FSTL5: variants seen among roughly 807,000 people sequenced by gnomAD.
FSTL5 encodes the protein follistatin like 5.
FSTL5 carries 62 observed loss-of-function variants against 89.1 expected under a neutral mutation model. That is an observed-to-expected ratio of 0.70 (90% CI 0.57 to 0.86). The LOEUF is 0.86. Among genes scored for constraint, FSTL5 ranks in the 40% least tolerant of loss-of-function variants. The pLI is 0.00. For synonymous variants in FSTL5, 383 were observed against 346.2 expected, an observed-to-expected ratio of 1.11 and a Z score of -1.18; for missense variants, 1,057 against 1,001.6, an observed-to-expected ratio of 1.06 and a Z score of -0.75.
intron 4 of FSTL5, among the ~76,000 whole-genome samples, chr4:161,832,112 A>G (rs1730864146): frequency 6.6e-6 from 1 of 152,068 alleles, no homozygotes; most frequent in Admixed American, 6.6e-5. Flanking sequence ...AGCATGGTAA[A>G]TGTTATGATA....
intron 2 of FSTL5, among the ~76,000 whole-genome samples, chr4:162,038,952 G>T (rs1035889207): frequency 3.3e-5 from 5 of 151,504 alleles, no homozygotes; most frequent in African/African-American, 1.2e-4. Context: ...CTATTTTAAG[G>T]GAGAGCCATA....
intron 15 of FSTL5, among the ~76,000 whole-genome samples, chr4:161,425,788 A>G (rs1243483711): frequency 6.6e-6 from 1 of 152,172 alleles, no homozygotes; most frequent in Non-Finnish European, 1.5e-5. Flanking sequence ...ATTAAAGGAT[A>G]TGCCTGAAAT....
intron 3 of FSTL5, among the ~76,000 whole-genome samples, chr4:161,977,612 C>CAAAAAAAAAAAAAAAAAAAAAAAA (rs796909244): frequency 1.1e-5 from 1 of 95,136 alleles, no homozygotes; most frequent in African/African-American, 3.9e-5. Flanking sequence ...GACTCCGTGT[C>CAAAAAAAAAAAAAAAAAAAAAAAA]AAAAAAAAAA....
At chr4:162,094,986 T>C (rs1730694855) in intron 2 of FSTL5, among the ~76,000 whole-genome samples, 1 of 152,140 alleles carries the variant, frequency 6.6e-6, no homozygotes, top group South Asian at 2.1e-4. Context: ...TGGGTACTGA[T>C]GGCAATATTT....
intron 4 of FSTL5, among the ~76,000 whole-genome samples, chr4:161,904,120 A>C (rs191427007): frequency 6.6e-6 from 1 of 152,196 alleles, no homozygotes; most frequent in Non-Finnish European, 1.5e-5. Context: ...TTTAAAGAAT[A>C]GTTTTTCTCA....
intron 6 of FSTL5, among the ~76,000 whole-genome samples, chr4:161,749,928 G>A (rs554354769): frequency 3.7e-4 from 56 of 152,062 alleles, no homozygotes; most frequent in African/African-American, 1.2e-3. Context: ...TTTGGGTAAC[G>A]GGTACATTAG....
chr4:161,901,373 T>C (rs745480010), intron 4 of FSTL5, among the ~76,000 whole-genome samples: 38 of 152,172 alleles, frequency 2.5e-4, no homozygotes, highest in Non-Finnish European at 4.7e-4. Context: ...GAGGTTGTTT[T>C]AGTACTGATG....
intron 3 of FSTL5, among the ~76,000 whole-genome samples, chr4:161,921,575 T>G (rs1250181614): frequency 6.6e-6 from 1 of 152,092 alleles, no homozygotes; most frequent in Non-Finnish European, 1.5e-5. Context: ...TCAATGACAC[T>G]TATGTATTGC....
intron 10 of FSTL5, among the ~76,000 whole-genome samples, chr4:161,532,082 G>T (rs935038495): frequency 6.6e-5 from 10 of 151,748 alleles, no homozygotes; most frequent in Admixed American, 5.3e-4. Context: ...GTGGGCGCCT[G>T]TAGTCCCAGC....
At chr4:161,470,945 C>T (rs915856912) in intron 13 of FSTL5, among the ~76,000 whole-genome samples, 6 of 152,136 alleles carry the variant, frequency 3.9e-5, no homozygotes, top group Admixed American at 1.3e-4. Flanking sequence ...TATCCTGATA[C>T]TTTATTGAAT....
chr4:161,893,418 A>G (rs1733049513), intron 4 of FSTL5, among the ~76,000 whole-genome samples: 1 of 152,124 alleles, frequency 6.6e-6, no homozygotes, highest in Admixed American at 6.5e-5. Context: ...TAAACTTGTC[A>G]TCTTACCATA....
At chr4:162,034,198 TAAAC>T (rs982745600) in intron 2 of FSTL5, among the ~76,000 whole-genome samples, 4 of 152,076 alleles carry the variant, frequency 2.6e-5, no homozygotes, top group Admixed American at 1.3e-4. Context: ...CATAAATAAA[TAAAC>T]AAATGGTTAA....
At chr4:162,066,034 T>A (rs932440814) in intron 2 of FSTL5, among the ~76,000 whole-genome samples, 16 of 152,038 alleles carry the variant, frequency 1.1e-4, no homozygotes, top group Admixed American at 4.6e-4. Flanking sequence ...TCTTGTAAAA[T>A]CACACAATCT....
intron 4 of FSTL5, among the ~76,000 whole-genome samples, chr4:161,855,465 T>C (rs565579088): frequency 6.6e-4 from 100 of 152,236 alleles, no homozygotes; most frequent in African/African-American, 2.3e-3. Flanking sequence ...TAATTTGTTA[T>C]AGAATTTATT....
intron 6 of FSTL5, among the ~76,000 whole-genome samples, chr4:161,725,448 T>C (rs1384088669): frequency 1.3e-5 from 2 of 151,904 alleles, no homozygotes; most frequent in Non-Finnish European, 2.9e-5. Context: ...AATCCAAATA[T>C]AGAATTTAAA....
chr4:161,969,813 A>T (rs1371579065), intron 3 of FSTL5, among the ~76,000 whole-genome samples: 1 of 152,166 alleles, frequency 6.6e-6, no homozygotes, highest in African/African-American at 2.4e-5. Flanking sequence ...ATCTTTAAAA[A>T]AATGAATTTA....
intron 2 of FSTL5, among the ~76,000 whole-genome samples, chr4:162,086,307 C>G (rs534915539): frequency 6.6e-6 from 1 of 151,780 alleles, no homozygotes; most frequent in East Asian, 1.9e-4. Context: ...CTCATTCCCC[C>G]CTCCTTTCTC....
chr4:162,159,984 T>C (rs143846585), intron 1 of FSTL5, among the ~76,000 whole-genome samples: 87 of 147,334 alleles, frequency 5.9e-4, no homozygotes, highest in African/African-American at 2.1e-3. Context: ...TTATATATTG[T>C]ATTACAGCTT....
At chr4:161,671,656 ATGAG>A (rs144750197) in intron 6 of FSTL5, among the ~76,000 whole-genome samples, 116 of 152,292 alleles carry the variant, frequency 7.6e-4, no homozygotes, top group African/African-American at 2.7e-3. Flanking sequence ...TCATTTAGAT[ATGAG>A]TGAGTTCATA....
Sources: gnomAD v4.1 joint callset for allele counts (sites outside exome capture counted in the v4.1 genomes callset) on GRCh38, gnomAD v4.1.1 for gene constraint, MANE v1.5 for transcripts, NCBI Gene and HGNC (gene_info 2026-07-23, HGNC 2026-07-21) for gene names.